Variants in CD36 observed in about 807,000 individuals in gnomAD.
The protein encoded by CD36 is CD36 molecule (CD36 blood group), also known as platelet glycoprotein 4.
Under a neutral mutation model 55.2 loss-of-function variants are expected in CD36, and 119 were observed. The ratio of observed to expected loss-of-function variants is 2.15; its 90% CI spans 1.86 to 2.51. The LOEUF (loss-of-function observed/expected upper bound fraction) is 2.51, where lower values mean the gene tolerates loss of function less well. CD36 is among the 30% of genes most tolerant of loss of function. The pLI is 0.00. For synonymous variants in CD36, 186 were observed against 193.6 expected (o/e 0.96, Z 0.33); for missense variants, 819 against 555.5 (o/e 1.47, Z -4.77).
chr7:80,673,839 C>G, intron 13 of CD36, 144 bp from the exon 14 acceptor site: 1 of 696,802 alleles, frequency 1.4e-6, no homozygotes, highest in Non-Finnish European at 2.6e-6. Context: ...TCTTGACTTG[C>G]AAAAGGAATT....
chr7:80,635,449 A>G (rs1439177543), upstream of CD36, among the ~76,000 whole-genome samples: 2 of 151,870 alleles, frequency 1.3e-5, no homozygotes, highest in Non-Finnish European at 2.9e-5. Flanking sequence ...TAATTTTTGT[A>G]TTTTTAGTAG....
intron 6 of CD36, among the ~76,000 whole-genome samples, chr7:80,663,550 C>G (rs1229623329): frequency 6.6e-6 from 1 of 152,058 alleles, no homozygotes; most frequent in Non-Finnish European, 1.5e-5. Context: ...ACTCCTCATT[C>G]CTCCTTTTCT....
Position 80,674,280 on chromosome 7 carries a change from TATAGGTAA to T in CD36, c.*137_*144del, listed in dbSNP as rs1798049695. The T allele has an allele frequency of 4.6e-6, 3 of 647,280 alleles. No homozygotes were observed. The South Asian group carries it at 5.6e-5, about 12-fold the overall frequency. The allele number at this position is 647,280 out of a possible 1,614,324, so 40.1% of individuals were successfully genotyped here. On this transcript the variant is annotated intron_variant, in intron 14 of 14. Transcript: ENST00000447544. ...TGTCTAGCCACTGATCATTTTTAAA[TATAGGTAA>T]ATAAACCTATAAATATTATCACGCA...
chr7:80,670,740 C>A, intron 9 of CD36: 1 of 514,298 alleles, frequency 1.9e-6, no homozygotes, highest in Admixed American at 3.5e-5. Flanking sequence ...GATAAATTGC[C>A]TGTGAGAAGT....
chr7:80,646,685 C>G lies in CD36; in HGVS notation c.-56C>G. The G allele has an allele frequency of 6.2e-7, 1 of 1,609,088 alleles. No individual in the cohort carries two copies. Among genetic ancestry groups the G allele is most frequent in the Middle Eastern group, 1.7e-4 (1 of 6,020 alleles). On this transcript the variant is annotated 5_prime_UTR_variant, in exon 3 of 15. It adds an upstream start codon to the 5' untranslated region. Transcript: ENST00000447544. ...CTTGTAGAAACCACTTTAATCATATCCAGGAGTTTGCAAGAAACAGGTGCT... is the reference window on the plus strand; with the variant it reads ...CTTGTAGAAACCACTTTAATCATATGCAGGAGTTTGCAAGAAACAGGTGCT...
At chr7:80,636,095 A>C (rs1794379687), upstream of CD36, among the ~76,000 whole-genome samples, 1 of 152,114 alleles carries the variant, frequency 6.6e-6, no homozygotes, top group Non-Finnish European at 1.5e-5. Flanking sequence ...AGGTGCAAAG[A>C]CAGGGCAAAA....
chr7:80,626,990 A>G (rs768730843), intron 1 of CD36, among the ~76,000 whole-genome samples: 1 of 151,952 alleles, frequency 6.6e-6, no homozygotes, highest in Non-Finnish European at 1.5e-5. Context: ...TGTTTTTATC[A>G]CAGTCAATAG....
intron 2 of CD36, 49 bp from the exon 3 acceptor site, chr7:80,646,603 T>C: frequency 9.8e-7 from 1 of 1,021,792 alleles, no homozygotes; most frequent in South Asian, 1.3e-5. Context: ...CTTTGATCTT[T>C]TTGTACTGAT....
chr7:80,624,962 T>G (rs1793662152), intron 1 of CD36: 1 of 152,174 alleles, frequency 6.6e-6, no homozygotes, highest in African/African-American at 2.4e-5. Context: ...CAGTCTCTGC[T>G]GCTGGCATTC....
chr7:80,668,522 A>T (rs767509149), intron 8 of CD36, among the ~76,000 whole-genome samples: 6 of 152,218 alleles, frequency 3.9e-5, no homozygotes, highest in Non-Finnish European at 8.8e-5. Flanking sequence ...ATTGGTATAC[A>T]TTTAGAATGT....
intron 4 of CD36, among the ~76,000 whole-genome samples, chr7:80,657,688 T>C (rs922671689): frequency 2.0e-5 from 3 of 152,220 alleles, no homozygotes; most frequent in East Asian, 3.9e-4. Flanking sequence ...AAGGGGGAGA[T>C]TGAGGTGCCA....
intron 13 of CD36, 179 bp from the exon 14 acceptor site, chr7:80,673,804 A>ACTCTATC (rs1797970367): frequency 1.5e-6 from 1 of 646,126 alleles, no homozygotes; most frequent in Admixed American, 2.3e-5. Flanking sequence ...AGAGTACCGT[A>ACTCTATC]CTCTATCTGG....
At chr7:80,653,110 A>C (rs1455948789) in intron 3 of CD36, among the ~76,000 whole-genome samples, 2 of 152,282 alleles carry the variant, frequency 1.3e-5, no homozygotes, top group East Asian at 3.9e-4. Flanking sequence ...CATAGCATCT[A>C]ATTTCATTGT....
In CD36 at chr7:80,678,489, A is replaced by C. The variant is rs1264216937; in HGVS notation, c.*2106A>C. ...TATGTAGCTTTCAGTTCTGACAGAA[A>C]AGGGTGAAGGAGGGTATCATTTCAA... On this transcript the variant is annotated 3_prime_UTR_variant, in exon 15 of 15. Transcript: ENST00000447544. 2.0e-5 allele frequency: 3 copies of C among 152,172 alleles called. No individual in the cohort carries two copies. The highest frequency in any genetic ancestry group is 4.4e-5 in the Non-Finnish European group (3 of 68,022). The allele number at this position is 152,172 out of a possible 1,614,324, so 9.4% of individuals were successfully genotyped here. A position where few individuals can be genotyped will look rare whatever the true frequency, so the allele number is the denominator to read the frequency against.
chr7:80,665,599 T>C (rs1024507979), intron 7 of CD36, among the ~76,000 whole-genome samples: 64 of 152,206 alleles, frequency 4.2e-4, no homozygotes, highest in African/African-American at 1.4e-3. Flanking sequence ...AACGAGCATT[T>C]CACTCTAATA....
chr7:80,656,747 A>G (rs1283345819), intron 4 of CD36, 47 bp downstream of exon 4: 1 of 1,547,394 alleles, frequency 6.5e-7, no homozygotes, highest in East Asian at 2.3e-5. Flanking sequence ...TTGACCATGT[A>G]TTTCTGAGAA....
At chr7:80,606,236 T>G (rs981619288) in intron 1 of CD36, among the ~76,000 whole-genome samples, 1 of 152,204 alleles carries the variant, frequency 6.6e-6, no homozygotes, top group Non-Finnish European at 1.5e-5. Context: ...TCCAAATTGA[T>G]GTAGAGCTCT....
chr7:80,645,254 A>C (rs1795076721), intron 1 of CD36, among the ~76,000 whole-genome samples: 1 of 151,194 alleles, frequency 6.6e-6, no homozygotes, highest in Admixed American at 6.6e-5. Flanking sequence ...TCCCAACCTC[A>C]GGTGATCCAC....
chr7:80,650,023 T>A (rs1795478259), intron 3 of CD36, among the ~76,000 whole-genome samples: 1 of 152,088 alleles, frequency 6.6e-6, no homozygotes, highest in Non-Finnish European at 1.5e-5. Context: ...GAAGGGGGAA[T>A]TAAATCAATG....
Sources: allele counts gnomAD v4.1 joint callset (sites outside exome capture counted in the v4.1 genomes callset), GRCh38; gene constraint gnomAD v4.1.1; transcripts MANE v1.5; gene names NCBI Gene and HGNC (gene_info 2026-07-23, HGNC 2026-07-21).